The following PSKH2 variants were observed in gnomAD, a reference collection of about 807,000 sequenced individuals.
PSKH2 encodes the protein protein serine kinase H2.
Under a neutral mutation model 22.5 loss-of-function variants are expected in PSKH2, and 16 were observed. That is an observed-to-expected ratio of 0.71 (90% CI 0.48 to 1.08). PSKH2 has a LOEUF of 1.08. PSKH2 is among the 50% of genes least tolerant of loss of function. The pLI is 0.00. For synonymous variants in PSKH2, 188 were observed against 184.8 expected, an observed-to-expected ratio of 1.02 and a Z score of -0.14; for missense variants, 516 against 492.8, an observed-to-expected ratio of 1.05 and a Z score of -0.44.
rs55968832 is a variant in PSKH2 at position 86,055,980 on chromosome 8, CTGTGTGTGTG to C, written c.853-7223_853-7214del. ...TATATATACATATATATGTGTGTGT[CTGTGTGTGTG>C]TGTGTGTGTGTGTTTAGGCCAGGCA... On this transcript the variant is annotated intron_variant, in intron 2 of 2. Transcript: ENST00000276616. 2.7e-4 allele frequency among the ~76,000 whole-genome samples: 40 copies of C among 150,018 alleles called. 1 individual carries two copies. In the East Asian group the frequency reaches 7.1e-3, roughly 27 times the overall value.
intron 1 of PSKH2, among the ~76,000 whole-genome samples, chr8:86,067,859 T>C (rs1817887767): frequency 6.6e-6 from 1 of 152,206 alleles, no homozygotes; most frequent in Non-Finnish European, 1.5e-5. Context: ...CTTGGACAAG[T>C]CACTTAACCT....
intron 2 of PSKH2, among the ~76,000 whole-genome samples, chr8:86,060,784 TCA>T (rs1309485841): frequency 6.6e-6 from 1 of 152,174 alleles, no homozygotes; most frequent in Non-Finnish European, 1.5e-5. Context: ...TTACAAGCAG[TCA>T]CACTCCTCTG....
intron 1 of PSKH2, among the ~76,000 whole-genome samples, chr8:86,069,073 T>C (rs1046377998): frequency 6.6e-6 from 1 of 152,078 alleles, no homozygotes; most frequent in African/African-American, 2.4e-5. Flanking sequence ...TTTTAAGCGC[T>C]GGGGTGAGCC....
intron 1 of PSKH2, among the ~76,000 whole-genome samples, chr8:86,068,040 ATC>A (rs1434474281): frequency 6.6e-6 from 1 of 152,248 alleles, no homozygotes; most frequent in Non-Finnish European, 1.5e-5. Context: ...GACTAGCATC[ATC>A]TCTCTGACTA....
At position 86,050,188 on chromosome 8, in the gene PSKH2, G is replaced by C. The variant is rs573128913; in HGVS notation, c.853-1421C>G. Among the ~76,000 whole-genome samples, 25 of 150,518 alleles carry C rather than the reference G, an allele frequency of 1.7e-4. No individual in the cohort carries two copies. In the South Asian group the frequency reaches 5.1e-3, roughly 31 times the overall value. On this transcript the variant is annotated intron_variant, in intron 2 of 2. Transcript: ENST00000276616. ...AGGCTGTTGCTTTATATTCAAATTT[G>C]CTTTCTGCATTATCTGCTGAGAAAG...
chr8:86,048,564 T>A lies in PSKH2; in HGVS notation c.1056A>T (p.Gly352=), dbSNP rs28483271. The A allele has an allele frequency of 4.1e-3, 6,619 of 1,614,066 alleles. 249 individuals carry two copies. In the African/African-American group the frequency reaches 0.078, roughly 19 times the overall value. ...QRASPHSQSP[G]SAQSSKSHYS... ...AATGTGACTTAGAAGACTGTGCAGA[T>A]CCAGGACTCTGAGAGTGGGGAGAGG... Residue 352 remains glycine (G), a synonymous_variant, in exon 3 of 3, where the codon GGA becomes GGT. Transcript: ENST00000276616.
rs1175823382 is a variant in PSKH2, at chr8:86,048,694, A to G, written c.926T>C (p.Met309Thr). ...ATGGTCCAGGGCCTGGCCAGCTGAC[A>G]TGCGATGACCAGCCTCCAAAATCAG... ...KLLILEAGHR[M>T]SAGQALDHPW... The change falls in exon 3 of 3, where the codon ATG becomes ACG. Residue 309 changes from methionine to threonine, a missense_variant. Transcript: ENST00000276616. 1 of 1,614,146 alleles carries G rather than the reference A, an allele frequency of 6.2e-7. No individual in the cohort carries two copies. The highest frequency in any genetic ancestry group is 1.7e-5 in the Admixed American group (1 of 60,022).
rs146931382 is a variant in PSKH2, at chr8:86,065,526, A to G, written c.186-895T>C. Among the ~76,000 whole-genome samples the G allele has an allele frequency of 5.9e-5, 9 of 152,308 alleles. No homozygotes were observed. The East Asian group carries it at 1.7e-3, about 29-fold the overall frequency. On this transcript the variant is annotated intron_variant, in intron 1 of 2. Coordinates refer to ENST00000276616, the MANE Select transcript of PSKH2 (RefSeq NM_033126.3). ...CCAATTATCCCACAAAAAGGCCAAG[A>G]ACATATGTTTACCTACGTAACAAAC...
chr8:86,068,327 C>T (rs1489343082), intron 1 of PSKH2, among the ~76,000 whole-genome samples: 1 of 152,154 alleles, frequency 6.6e-6, no homozygotes, highest in East Asian at 1.9e-4. Flanking sequence ...TGTGTCTCCC[C>T]AAACACACAG....
chr8:86,058,564 G>A (rs1221967954), intron 2 of PSKH2, among the ~76,000 whole-genome samples: 1 of 152,194 alleles, frequency 6.6e-6, no homozygotes, highest in Non-Finnish European at 1.5e-5. Context: ...CTTACTGAAT[G>A]CAGAGAGAAA....
At position 86,064,359 on chromosome 8, in the gene PSKH2, C is replaced by T; in HGVS notation, c.458G>A (p.Gly153Glu). 1.2e-6 allele frequency: 2 copies of T among 1,614,168 alleles called. No individual in the cohort carries two copies. Among genetic ancestry groups the T allele is most frequent in the Non-Finnish European group, 1.7e-6 (2 of 1,180,032 alleles). ...GACGGCATCCCGCTCTGTAAAGGATCCCTGAGCAATGAGTCGATCAAAGAG... is the reference window on the plus strand; with the variant it reads ...GACGGCATCCCGCTCTGTAAAGGATTCCTGAGCAATGAGTCGATCAAAGAG... ...GELFDRLIAQ[G>E]SFTERDAVRI... Residue 153 changes from glycine (G) to glutamate (E), a missense_variant, in exon 2 of 3, where the codon GGA becomes GAA. Gly to Glu is a moderately conservative substitution (Grantham distance 98). Transcript: ENST00000276616.
In PSKH2 at chr8:86,064,394, G is replaced by A. The variant is rs139789006; in HGVS notation, c.423C>T (p.Thr141=). Residue 141 remains threonine (T), a synonymous_variant, in exon 2 of 3, where the codon ACC becomes ACT. Coordinates refer to ENST00000276616, the MANE Select transcript of PSKH2 (RefSeq NM_033126.3). The part of the protein sequence containing the change: ...DQVYMVMELA[T]GGELFDRLIA... Reference sequence around the variant, plus strand: ...TGAGTCGATCAAAGAGCTCCCCTCCGGTAGCCAGCTCCATTACCATGTAAA... The same window carrying A: ...TGAGTCGATCAAAGAGCTCCCCTCCAGTAGCCAGCTCCATTACCATGTAAA... 333 of 1,614,060 alleles carry A rather than the reference G, an allele frequency of 2.1e-4. No individual in the cohort carries two copies. In the African/African-American group the frequency reaches 3.0e-3, roughly 14 times the overall value.
intron 2 of PSKH2, among the ~76,000 whole-genome samples, chr8:86,062,849 G>C (rs1817799402): frequency 6.6e-6 from 1 of 152,084 alleles, no homozygotes; most frequent in African/African-American, 2.4e-5. Context: ...TCCTCTACTA[G>C]TACTTAGTGA....
chr8:86,050,985 A>G (rs1245931660), intron 2 of PSKH2, among the ~76,000 whole-genome samples: 2 of 152,016 alleles, frequency 1.3e-5, no homozygotes, highest in Non-Finnish European at 2.9e-5. Context: ...GTCTCAAGCC[A>G]TCCTCCTGCC....
Position 86,048,280 on chromosome 8 carries a change from G to A in PSKH2, c.*182C>T. The A allele has an allele frequency of 1.9e-6, 1 of 527,214 alleles. No individual in the cohort carries two copies. The highest frequency in any genetic ancestry group is 3.0e-5 in the South Asian group (1 of 32,808). 32.7% of individuals were successfully genotyped at this position (527,214 alleles called of 1,614,324 possible). ...TTTACTAAACTGTTAATCATTTGCAGCAGTATATTTTGGGAAAATGAATAC... is the reference window on the plus strand; with the variant it reads ...TTTACTAAACTGTTAATCATTTGCAACAGTATATTTTGGGAAAATGAATAC... On this transcript the variant is annotated 3_prime_UTR_variant, in exon 3 of 3. Transcript: ENST00000276616.
At chr8:86,050,555 C>T (rs367665040) in intron 2 of PSKH2, among the ~76,000 whole-genome samples, 27 of 152,294 alleles carry the variant, frequency 1.8e-4, no homozygotes, top group African/African-American at 3.6e-4. Context: ...GAGCAGCTGT[C>T]CCCACTTTGG....
At chr8:86,060,110 T>C (rs1219436215) in intron 2 of PSKH2, among the ~76,000 whole-genome samples, 3 of 152,218 alleles carry the variant, frequency 2.0e-5, no homozygotes, top group Admixed American at 1.3e-4. Flanking sequence ...AGCTGTTACC[T>C]GAGAGATTTC....
chr8:86,067,697 A>G (rs1423991356), intron 1 of PSKH2, among the ~76,000 whole-genome samples: 1 of 152,168 alleles, frequency 6.6e-6, no homozygotes, highest in Non-Finnish European at 1.5e-5. Flanking sequence ...TAGTGTTACA[A>G]TCTGCTTGAG....
chr8:86,063,841 T>C, intron 2 of PSKH2, 124 bp downstream of exon 2: 1 of 728,656 alleles, frequency 1.4e-6, no homozygotes, highest in East Asian at 2.7e-5. Context: ...GCAGTGATGC[T>C]GCTAAGCATC....
Sources: allele counts gnomAD v4.1 joint callset (sites outside exome capture counted in the v4.1 genomes callset), GRCh38; gene constraint gnomAD v4.1.1; transcripts MANE v1.5; gene names NCBI Gene and HGNC (gene_info 2026-07-23, HGNC 2026-07-21).